The following BRD10 variants were observed in gnomAD, a reference collection of about 807,000 sequenced individuals.
BRD10 encodes uncharacterized bromodomain-containing protein 10.
the BRD10 span, chr9:5,922,354 T>C: frequency 6.2e-7 from 1 of 1,613,978 alleles, no homozygotes; most frequent in Middle Eastern, 1.6e-4. Context: ...CTGCTGAAAC[T>C]GCATTCTTGG....
the BRD10 span, among the ~76,000 whole-genome samples, chr9:5,992,099 C>T: frequency 5.5e-4 from 84 of 152,258 alleles, no homozygotes; most frequent in Non-Finnish European, 9.3e-4. Context: ...TAAACGATAC[C>T]CTATCACTCT....
At chr9:5,999,574 A>G in the BRD10 span, among the ~76,000 whole-genome samples, 1 of 152,258 alleles carries the variant, frequency 6.6e-6, no homozygotes, top group Middle Eastern at 3.4e-3. Context: ...CCCGAATATT[A>G]GCACAGCATA....
chr9:5,952,581 G>A, the BRD10 span, among the ~76,000 whole-genome samples: 4 of 152,176 alleles, frequency 2.6e-5, 1 homozygote, highest in Non-Finnish European at 5.9e-5. Context: ...ATGATTTCAT[G>A]CCTCACTAAT....
At chr9:5,958,728 C>A in the BRD10 span, among the ~76,000 whole-genome samples, 1 of 152,216 alleles carries the variant, frequency 6.6e-6, no homozygotes, top group African/African-American at 2.4e-5. Context: ...ATTCACTCCT[C>A]CCTCTGTACT....
the BRD10 span, among the ~76,000 whole-genome samples, chr9:5,924,351 C>T: frequency 6.6e-6 from 1 of 151,766 alleles, no homozygotes; most frequent in African/African-American, 2.4e-5. Context: ...GTGGACAGCT[C>T]ACTGTAACCT....
the BRD10 span, among the ~76,000 whole-genome samples, chr9:5,926,398 C>T: frequency 9.9e-5 from 15 of 152,068 alleles, no homozygotes; most frequent in Middle Eastern, 3.2e-3. Context: ...ACCTCCACCT[C>T]CCAGGATCAA....
chr9:5,928,600 G>A, the BRD10 span, among the ~76,000 whole-genome samples: 4 of 151,956 alleles, frequency 2.6e-5, no homozygotes, highest in South Asian at 8.3e-4. Context: ...TCAACTCTAG[G>A]GCTTTAGTAC....
the BRD10 span, chr9:5,920,132 G>C: frequency 1.9e-6 from 3 of 1,613,940 alleles, no homozygotes; most frequent in African/African-American, 1.3e-5. Flanking sequence ...ATGTTGTAGA[G>C]GTTGGCCACT....
the BRD10 span, chr9:5,892,460 C>T: frequency 6.2e-7 from 1 of 1,610,706 alleles, no homozygotes; most frequent in African/African-American, 1.3e-5. Context: ...GTGTCCTGTG[C>T]CCTGACCCTA....
the BRD10 span, among the ~76,000 whole-genome samples, chr9:6,006,927 T>C: frequency 0.046 from 7,056 of 152,274 alleles, 432 homozygotes; most frequent in African/African-American, 0.14. Context: ...ACGGGACCCA[T>C]TCCATTTTAC....
chr9:5,903,390 T>C, the BRD10 span, among the ~76,000 whole-genome samples: 1,126 of 152,358 alleles, frequency 7.4e-3, 9 homozygotes, highest in Middle Eastern at 0.014. Flanking sequence ...ATTCCTTTTA[T>C]ATATTGTTAG....
At chr9:5,969,853 G>T in the BRD10 span, among the ~76,000 whole-genome samples, 1 of 151,948 alleles carries the variant, frequency 6.6e-6, no homozygotes, top group Non-Finnish European at 1.5e-5. Context: ...GCCTGCCCTA[G>T]TTTTAAATAT....
chr9:5,914,917 A>G, the BRD10 span, among the ~76,000 whole-genome samples: 2 of 152,268 alleles, frequency 1.3e-5, no homozygotes, highest in South Asian at 4.1e-4. Context: ...ATGAACTGTT[A>G]CAAAAAATGT....
At chr9:5,982,556 C>T in the BRD10 span, among the ~76,000 whole-genome samples, 4 of 152,280 alleles carry the variant, frequency 2.6e-5, no homozygotes, top group Non-Finnish European at 4.4e-5. Context: ...GCACACTCAG[C>T]CCCTCACCAT....
At chr9:5,978,862 CAAGT>C in the BRD10 span, among the ~76,000 whole-genome samples, 1 of 152,194 alleles carries the variant, frequency 6.6e-6, no homozygotes, top group Admixed American at 6.5e-5. Flanking sequence ...CATGCAATAT[CAAGT>C]AAGAAGTATA....
At chr9:5,879,516 C>T in the BRD10 span, among the ~76,000 whole-genome samples, 2 of 152,154 alleles carry the variant, frequency 1.3e-5, no homozygotes, top group South Asian at 4.1e-4. Flanking sequence ...GCTGGTTGAC[C>T]CATGATCAAC....
At chr9:5,933,528 G>A in the BRD10 span, among the ~76,000 whole-genome samples, 3 of 152,162 alleles carry the variant, frequency 2.0e-5, no homozygotes, top group Non-Finnish European at 4.4e-5. Context: ...AAACACTGGA[G>A]GTTTTATAAC....
the BRD10 span, among the ~76,000 whole-genome samples, chr9:6,002,024 T>C: frequency 6.6e-6 from 1 of 152,224 alleles, no homozygotes; most frequent in Non-Finnish European, 1.5e-5. Flanking sequence ...AAAAAAATCA[T>C]GATATAATTA....
At chr9:5,925,187 T>G in the BRD10 span, among the ~76,000 whole-genome samples, 2 of 151,820 alleles carry the variant, frequency 1.3e-5, no homozygotes, top group Non-Finnish European at 2.9e-5. Flanking sequence ...GGTGAAGCCC[T>G]GTCTCTACTA....
Sources: allele counts gnomAD v4.1 joint callset (sites outside exome capture counted in the v4.1 genomes callset), GRCh38; gene constraint gnomAD v4.1.1; transcripts MANE v1.5; gene names NCBI Gene and HGNC (gene_info 2026-07-23, HGNC 2026-07-21).